CCBE1: variants seen among roughly 807,000 people sequenced by gnomAD.
CCBE1 encodes collagen and calcium binding EGF domains 1.
A neutral mutation model predicts 50.0 loss-of-function variants in CCBE1; 37 were observed. That is an observed-to-expected ratio of 0.74 (90% CI 0.57 to 0.97). The LOEUF is 0.97. Among genes scored for constraint, CCBE1 ranks in the 50% least tolerant of loss-of-function variants. The probability of loss-of-function intolerance (pLI) is 0.00; values close to 1 mark genes in which losing one functional copy is unlikely to be tolerated. For synonymous variants in CCBE1, 234 were observed against 203.7 expected (o/e 1.15, Z -1.27); for missense variants, 538 against 523.8 (o/e 1.03, Z -0.26).
intron 2 of CCBE1, among the ~76,000 whole-genome samples, chr18:59,548,465 C>A (rs1322724825): frequency 6.6e-6 from 1 of 152,158 alleles, no homozygotes; most frequent in East Asian, 1.9e-4. Context: ...CATCAGGATT[C>A]CTTTCAAGAA....
chr18:59,488,480 A>T (rs1274503689), intron 2 of CCBE1, among the ~76,000 whole-genome samples: 1 of 152,308 alleles, frequency 6.6e-6, no homozygotes, highest in East Asian at 1.9e-4. Flanking sequence ...CAGAAAAGTA[A>T]AAGGTATATG....
At chr18:59,652,915 G>T (rs1009686848) in intron 2 of CCBE1, among the ~76,000 whole-genome samples, 18 of 151,072 alleles carry the variant, frequency 1.2e-4, no homozygotes, top group African/African-American at 4.4e-4. Context: ...AGTGAACCGA[G>T]AACGCACCAC....
chr18:59,540,089 T>C (rs1321949245), intron 2 of CCBE1, among the ~76,000 whole-genome samples: 1 of 152,182 alleles, frequency 6.6e-6, no homozygotes, highest in Non-Finnish European at 1.5e-5. Flanking sequence ...TTTCATTTCC[T>C]TTAATAAGAA....
chr18:59,484,781 C>T (rs1190462011), intron 2 of CCBE1, among the ~76,000 whole-genome samples: 1 of 152,164 alleles, frequency 6.6e-6, no homozygotes, highest in African/African-American at 2.4e-5. Flanking sequence ...CTTCTGTCTT[C>T]CCTAGAGTTC....
chr18:59,652,481 C>CTT (rs35752064), intron 2 of CCBE1, among the ~76,000 whole-genome samples: 2,821 of 150,058 alleles, frequency 0.019, 34 homozygotes, highest in African/African-American at 0.032. Flanking sequence ...GACTCCCCCC[C>CTT]TTTTTTTTTA....
At chr18:59,497,461 A>G (rs943697870) in intron 2 of CCBE1, among the ~76,000 whole-genome samples, 1 of 152,202 alleles carries the variant, frequency 6.6e-6, no homozygotes, top group Non-Finnish European at 1.5e-5. Flanking sequence ...CCCATCAAAA[A>G]TTACCATAGA....
intron 5 of CCBE1, among the ~76,000 whole-genome samples, chr18:59,459,597 G>A (rs1194985800): frequency 6.6e-6 from 1 of 152,150 alleles, no homozygotes. Context: ...TGACCAGGAC[G>A]TCTATCCTAA....
intron 3 of CCBE1, among the ~76,000 whole-genome samples, chr18:59,476,691 T>C (rs1041170315): frequency 1.3e-5 from 2 of 152,214 alleles, no homozygotes; most frequent in Non-Finnish European, 2.9e-5. Flanking sequence ...TTAAAAACTA[T>C]AGCTTCCACT....
intron 7 of CCBE1, among the ~76,000 whole-genome samples, chr18:59,442,500 G>C (rs1334734841): frequency 1.3e-5 from 2 of 152,086 alleles, no homozygotes; most frequent in Non-Finnish European, 2.9e-5. Context: ...GGCTGAGGTG[G>C]GCAGATCACT....
chr18:59,507,792 A>G (rs936702385), intron 2 of CCBE1, among the ~76,000 whole-genome samples: 8 of 152,204 alleles, frequency 5.3e-5, no homozygotes, highest in African/African-American at 1.9e-4. Context: ...AACAGTAAGT[A>G]TATACCTGAT....
intron 2 of CCBE1, among the ~76,000 whole-genome samples, chr18:59,527,275 T>G (rs1914864709): frequency 1.3e-5 from 2 of 152,218 alleles, no homozygotes. Context: ...TTTTCTTTTT[T>G]TATCTCTGTT....
intron 2 of CCBE1, among the ~76,000 whole-genome samples, chr18:59,628,469 G>C (rs760554049): frequency 1.3e-5 from 2 of 152,140 alleles, no homozygotes; most frequent in Non-Finnish European, 1.5e-5. Flanking sequence ...TGCTCTTCCA[G>C]CCTAAAGATG....
At position 59,615,762 on chromosome 18, in the gene CCBE1, C is replaced by G. The variant is rs76577313; in HGVS notation, c.212+80867G>C. On this transcript the variant is annotated intron_variant, in intron 2 of 10. Transcript: ENST00000439986. ...CCCTACTCCCAGTCACTTTAGAAGG[C>G]AAGATTTACAAGGGACCTTTGTTTT... Among the ~76,000 whole-genome samples the G allele has an allele frequency of 3.5e-3, 523 of 151,330 alleles. 8 individuals are homozygous for G. In the East Asian group the frequency reaches 0.046, roughly 13 times the overall value.
chr18:59,504,494 A>T (rs1913777651), intron 2 of CCBE1, among the ~76,000 whole-genome samples: 1 of 151,074 alleles, frequency 6.6e-6, no homozygotes, highest in East Asian at 2.0e-4. Flanking sequence ...GCCTATATTT[A>T]TACACATCCT....
chr18:59,567,942 T>C (rs2052854155), intron 2 of CCBE1, among the ~76,000 whole-genome samples: 1 of 152,222 alleles, frequency 6.6e-6, no homozygotes, highest in African/African-American at 2.4e-5. Flanking sequence ...TTTTAAAATT[T>C]TCTTCATTTG....
At chr18:59,491,835 C>CAAATAAAAAAAAA (rs71177029) in intron 2 of CCBE1, among the ~76,000 whole-genome samples, 1 of 148,624 alleles carries the variant, frequency 6.7e-6, no homozygotes, top group Non-Finnish European at 1.5e-5. Flanking sequence ...AACAAACAAA[C>CAAATAAAAAAAAA]AAAAAAAAAC....
intron 2 of CCBE1, among the ~76,000 whole-genome samples, chr18:59,546,206 G>A (rs1033294070): frequency 1.3e-5 from 2 of 152,084 alleles, no homozygotes; most frequent in African/African-American, 4.8e-5. Context: ...GTTTTCATTT[G>A]CATTTCTTTG....
intron 2 of CCBE1, among the ~76,000 whole-genome samples, chr18:59,603,391 A>G (rs766157964): frequency 1.3e-5 from 2 of 152,228 alleles, no homozygotes; most frequent in African/African-American, 2.4e-5. Context: ...TTCTAAAACA[A>G]TCACTCACCT....
At chr18:59,453,480 A>G (rs1348766088) in intron 6 of CCBE1, among the ~76,000 whole-genome samples, 1 of 152,200 alleles carries the variant, frequency 6.6e-6, no homozygotes, top group Non-Finnish European at 1.5e-5. Context: ...TGTTTTATTC[A>G]TAACTATCCA....
Sources: allele counts gnomAD v4.1 joint callset (sites outside exome capture counted in the v4.1 genomes callset), GRCh38; gene constraint gnomAD v4.1.1; transcripts MANE v1.5; gene names NCBI Gene and HGNC (gene_info 2026-07-23, HGNC 2026-07-21).